FYN: variants seen among roughly 807,000 people sequenced by gnomAD.
The protein encoded by FYN is FYN proto-oncogene, Src family tyrosine kinase.
FYN carries 10 observed loss-of-function variants against 70.2 expected under a neutral mutation model. The observed-to-expected ratio is 0.14, with a 90% CI of 0.09 to 0.24. The LOEUF is 0.24. FYN is among the 10% of genes least tolerant of loss of function. The pLI is 1.00. For synonymous variants in FYN, 236 were observed against 248.6 expected (o/e 0.95, Z 0.48); for missense variants, 319 against 673.1 (o/e 0.47, Z 5.82).
chr6:111,783,278 A>G (rs571297534), intron 2 of FYN, among the ~76,000 whole-genome samples: 134 of 152,272 alleles, frequency 8.8e-4, no homozygotes, highest in Admixed American at 1.6e-3. Context: ...CATTTTTCAT[A>G]CCCAATATCA....
chr6:111,821,271 G>C (rs9384806), intron 2 of FYN, among the ~76,000 whole-genome samples: 6,234 of 151,866 alleles, frequency 0.041, 160 homozygotes, highest in East Asian at 0.14. Flanking sequence ...GCATGGTACT[G>C]GTACCAAAAC....
intron 2 of FYN, among the ~76,000 whole-genome samples, chr6:111,796,392 C>A (rs1771805698): frequency 6.6e-6 from 1 of 152,128 alleles, no homozygotes; most frequent in Admixed American, 6.5e-5. Context: ...GTATTTAGTA[C>A]AATAACATGC....
chr6:111,684,772 G>A (rs576931078), intron 12 of FYN, among the ~76,000 whole-genome samples: 1 of 152,260 alleles, frequency 6.6e-6, no homozygotes, highest in East Asian at 1.9e-4. Context: ...GAAACTGTGG[G>A]TATTTAGTCC....
intron 2 of FYN, among the ~76,000 whole-genome samples, chr6:111,842,133 T>C (rs570884216): frequency 6.6e-5 from 10 of 152,336 alleles, no homozygotes; most frequent in African/African-American, 1.4e-4. Flanking sequence ...AGTTATACAC[T>C]GAGGCTGGGT....
chr6:111,699,392 T>G, intron 9 of FYN: 1 of 1,026,440 alleles, frequency 9.7e-7, no homozygotes, highest in Non-Finnish European at 1.4e-6. Context: ...GGATGGCCTG[T>G]GCCCGTCTAG....
At chr6:111,764,383 G>A (rs1008630467) in intron 3 of FYN, among the ~76,000 whole-genome samples, 1 of 152,152 alleles carries the variant, frequency 6.6e-6, no homozygotes, top group Non-Finnish European at 1.5e-5. Context: ...CTGTGGGGCA[G>A]CATGGGGAGG....
intron 3 of FYN, among the ~76,000 whole-genome samples, chr6:111,769,232 C>A (rs1803345442): frequency 6.6e-6 from 1 of 152,204 alleles, no homozygotes; most frequent in South Asian, 2.1e-4. Flanking sequence ...AAAACATGAT[C>A]TCCTCTAGCC....
chr6:111,859,097 C>G (rs1020636689), intron 1 of FYN, among the ~76,000 whole-genome samples: 6 of 152,100 alleles, frequency 3.9e-5, no homozygotes, highest in East Asian at 1.9e-4. Context: ...TTACCTTTGT[C>G]ACTCCTCTTC....
In FYN at chr6:111,829,037, AC is replaced by A. The variant is rs1445311769; in HGVS notation, c.-82+17551del. Among the ~76,000 whole-genome samples the A allele has an allele frequency of 5.2e-5, 8 of 152,392 alleles. No individual in the cohort carries two copies. In the East Asian group the frequency reaches 9.6e-4, roughly 18 times the overall value. On this transcript the variant is annotated intron_variant, in intron 2 of 13. Transcript: ENST00000354650. ...GCAGCTCTTCCCAGCTTATCTGGCC[AC>A]AGAATCCATTTTCCACACATCTCCT...
At chr6:111,834,555 C>T (rs764211172) in intron 2 of FYN, among the ~76,000 whole-genome samples, 2 of 152,112 alleles carry the variant, frequency 1.3e-5, no homozygotes, top group Non-Finnish European at 2.9e-5. Flanking sequence ...GACTCACCTG[C>T]GTTTATCCAG....
At chr6:111,740,096 T>C (rs1801892694) in intron 3 of FYN, among the ~76,000 whole-genome samples, 1 of 152,094 alleles carries the variant, frequency 6.6e-6, no homozygotes, top group South Asian at 2.1e-4. Context: ...GCTGGGAGTA[T>C]CTCACTTTGG....
intron 3 of FYN, among the ~76,000 whole-genome samples, chr6:111,768,208 G>A (rs962448568): frequency 1.3e-5 from 2 of 152,160 alleles, no homozygotes; most frequent in Non-Finnish European, 2.9e-5. Context: ...GTTGGATATG[G>A]TTCTTATCCA....
Position 111,825,685 on chromosome 6 carries a change from C to T in FYN, c.-82+20904G>A, listed in dbSNP as rs111367935. 3.1e-3 allele frequency among the ~76,000 whole-genome samples: 476 copies of T among 152,272 alleles called. 1 individual carries two copies. The highest frequency in any genetic ancestry group is 0.011 in the African/African-American group (447 of 41,548). The stretch of plus-strand genomic sequence containing the variant: ...TTTGCCTTCCTGGTTCTTCCCTTTG[C>T]CCTGACCTGTTTGGGGGAGTTCTGT... On this transcript the variant is annotated intron_variant, in intron 2 of 13. Transcript: ENST00000354650.
chr6:111,692,227 G>A (rs1253042463), intron 12 of FYN, among the ~76,000 whole-genome samples: 1 of 152,122 alleles, frequency 6.6e-6, no homozygotes, highest in African/African-American at 2.4e-5. Flanking sequence ...AAGGAAGGAC[G>A]GGACCCTCGA....
At chr6:111,729,276 C>T (rs1186736793) in intron 3 of FYN, among the ~76,000 whole-genome samples, 1 of 152,086 alleles carries the variant, frequency 6.6e-6, no homozygotes, top group Non-Finnish European at 1.5e-5. Context: ...GAGTTCAAGA[C>T]CAGCCTAGCC....
intron 13 of FYN, among the ~76,000 whole-genome samples, chr6:111,665,020 A>ACT (rs1797933516): frequency 6.6e-6 from 1 of 152,232 alleles, no homozygotes; most frequent in Non-Finnish European, 1.5e-5. Flanking sequence ...AGATATGCCC[A>ACT]CTCAGCAAGG....
Position 111,694,008 on chromosome 6 carries a change from T to G in FYN, c.1273+367A>C, listed in dbSNP as rs1412117395. 6.6e-6 allele frequency among the ~76,000 whole-genome samples: 1 copy of G among 152,198 alleles called. No individual in the cohort carries two copies. The highest frequency in any genetic ancestry group is 1.5e-5 in the Non-Finnish European group (1 of 68,040). The stretch of plus-strand genomic sequence containing the variant: ...CCTGTTGGCTTTCTGAAACCCTGCC[T>G]GTGCCTTTGTAAAAAACACAGGCAT... On this transcript the variant is annotated intron_variant, in intron 12 of 13. Transcript: ENST00000354650. This position sits in a 1 kb window ranked among gnomAD's most constrained non-coding sequence, Gnocchi z 5.0.
intron 1 of FYN, among the ~76,000 whole-genome samples, chr6:111,859,502 T>C (rs1360878114): frequency 6.6e-6 from 1 of 152,224 alleles, no homozygotes; most frequent in Non-Finnish European, 1.5e-5. Flanking sequence ...TCTCTCAACA[T>C]GAGATGACAG....
At chr6:111,834,868 T>A (rs1204377763) in intron 2 of FYN, among the ~76,000 whole-genome samples, 5 of 152,128 alleles carry the variant, frequency 3.3e-5, no homozygotes, top group Non-Finnish European at 7.4e-5. Context: ...TCTTCCTTCC[T>A]CATTCCTATA....
Sources: allele counts gnomAD v4.1 joint callset (sites outside exome capture counted in the v4.1 genomes callset), GRCh38; gene constraint gnomAD v4.1.1; non-coding constraint Gnocchi (gnomAD v3.1); transcripts MANE v1.5; gene names NCBI Gene and HGNC (gene_info 2026-07-23, HGNC 2026-07-21).